Variants in SGCZ observed in about 807,000 individuals in gnomAD.
SGCZ encodes sarcoglycan zeta, also known as zeta-sarcoglycan.
In SGCZ, 40 loss-of-function variants were observed where a neutral mutation model predicts 41.3. The ratio of observed to expected loss-of-function variants is 0.97; its 90% CI spans 0.75 to 1.26. The LOEUF is 1.26. Ranked by LOEUF, SGCZ falls within the 50% of genes most tolerant of loss-of-function variation. The pLI, the probability that SGCZ is intolerant of heterozygous loss-of-function variation, is 0.00. For synonymous variants in SGCZ, 206 were observed against 137.5 expected, an observed-to-expected ratio of 1.50 and a Z score of -3.49; for missense variants, 552 against 369.8, an observed-to-expected ratio of 1.49 and a Z score of -4.04.
intron 1 of SGCZ, among the ~76,000 whole-genome samples, chr8:15,215,895 C>A (rs1237773622): frequency 6.6e-6 from 1 of 152,126 alleles, no homozygotes; most frequent in African/African-American, 2.4e-5. Context: ...AACTTTAATC[C>A]GAAGACAGAA....
intron 1 of SGCZ, among the ~76,000 whole-genome samples, chr8:15,019,296 G>T (rs1803161929): frequency 6.6e-6 from 1 of 152,150 alleles, no homozygotes; most frequent in African/African-American, 2.4e-5. Context: ...GAAGAATTTG[G>T]AATATGTCTT....
intron 1 of SGCZ, among the ~76,000 whole-genome samples, chr8:14,880,953 A>AT: frequency 6.7e-6 from 1 of 149,550 alleles, no homozygotes; most frequent in Admixed American, 6.6e-5. Flanking sequence ...TTAAAGTATA[A>AT]TAAAAAAAAA....
At chr8:14,609,842 G>A (rs11203638) in intron 1 of SGCZ, among the ~76,000 whole-genome samples, 52,820 of 151,906 alleles carry the variant, frequency 0.35, 9,467 homozygotes, top group East Asian at 0.62. Flanking sequence ...AAAACAGCAG[G>A]CTAATGTGAA....
intron 3 of SGCZ, among the ~76,000 whole-genome samples, chr8:14,239,892 A>C (rs1798801331): frequency 1.1e-5 from 1 of 87,854 alleles, no homozygotes; most frequent in Non-Finnish European, 2.0e-5. Flanking sequence ...ACAGAGCGAG[A>C]CTCCGTCTCA....
chr8:14,773,418 G>A (rs2256311), intron 1 of SGCZ, among the ~76,000 whole-genome samples: 13,677 of 152,144 alleles, frequency 0.09, 653 homozygotes, highest in Middle Eastern at 0.13. Flanking sequence ...AAGTGCCTTT[G>A]TTCCTGGTCG....
chr8:14,165,976 G>C (rs1479852320), intron 4 of SGCZ, among the ~76,000 whole-genome samples: 2 of 152,030 alleles, frequency 1.3e-5, no homozygotes, highest in Non-Finnish European at 2.9e-5. Context: ...CATCATCATA[G>C]CTGCTGAGGA....
chr8:14,184,159 T>G (rs1301052736), intron 4 of SGCZ, among the ~76,000 whole-genome samples: 1 of 152,100 alleles, frequency 6.6e-6, no homozygotes, highest in African/African-American at 2.4e-5. Flanking sequence ...TGATTAAAAA[T>G]TTAACAAATT....
At chr8:14,805,671 C>T (rs1053327011) in intron 1 of SGCZ, among the ~76,000 whole-genome samples, 12 of 151,326 alleles carry the variant, frequency 7.9e-5, no homozygotes, top group South Asian at 4.2e-4. Context: ...GACAGATCAA[C>T]GAGACAGAAA....
At chr8:14,357,485 C>G (rs967470114) in intron 2 of SGCZ, among the ~76,000 whole-genome samples, 1 of 152,138 alleles carries the variant, frequency 6.6e-6, no homozygotes, top group Non-Finnish European at 1.5e-5. Context: ...TCTTAGAATG[C>G]TATCGCAGTA....
At chr8:14,640,446 C>G (rs1389748870) in intron 1 of SGCZ, among the ~76,000 whole-genome samples, 1 of 151,672 alleles carries the variant, frequency 6.6e-6, no homozygotes, top group Non-Finnish European at 1.5e-5. Context: ...AGCAATCGGT[C>G]CTTTTCTGCT....
At chr8:14,443,686 T>C (rs1216681824) in intron 2 of SGCZ, among the ~76,000 whole-genome samples, 1 of 152,176 alleles carries the variant, frequency 6.6e-6, no homozygotes, top group Non-Finnish European at 1.5e-5. Context: ...ACTGAAACGT[T>C]AGACCTAAAA....
intron 1 of SGCZ, among the ~76,000 whole-genome samples, chr8:14,969,911 T>C (rs1300177915): frequency 3.2e-4 from 49 of 152,108 alleles, no homozygotes; most frequent in Admixed American, 3.1e-3. Context: ...TGGCAGACAA[T>C]GTTTCAACGT....
At chr8:15,211,146 A>C (rs1421372437) in intron 1 of SGCZ, among the ~76,000 whole-genome samples, 4 of 151,648 alleles carry the variant, frequency 2.6e-5, no homozygotes, top group African/African-American at 9.7e-5. Flanking sequence ...CAGATATTCT[A>C]TATGTTGATA....
rs1010272558 is a variant in SGCZ at position 14,687,290 on chromosome 8, C to A, written c.40-132364G>T. ...ACTTGTGCCATGTTGGTGTGCTGCA[C>A]CCATTAACTCGTCATTTAGCATTAG... On this transcript the variant is annotated intron_variant, in intron 1 of 7. Coordinates refer to ENST00000382080, the MANE Select transcript of SGCZ (RefSeq NM_139167.4). Among the ~76,000 whole-genome samples, 3 of 151,158 alleles carry A rather than the reference C, an allele frequency of 2.0e-5. No individual in the cohort carries two copies. The Admixed American group carries it at 2.0e-4, about 10-fold the overall frequency.
chr8:14,867,824 G>C (rs76280927), intron 1 of SGCZ, among the ~76,000 whole-genome samples: 3,529 of 151,524 alleles, frequency 0.023, 137 homozygotes, highest in African/African-American at 0.082. Context: ...ACCAGGCTTA[G>C]TACCTGGGTG....
chr8:14,131,374 C>G (rs1334481578), intron 5 of SGCZ, among the ~76,000 whole-genome samples: 1 of 152,180 alleles, frequency 6.6e-6, no homozygotes, highest in African/African-American at 2.4e-5. Flanking sequence ...GTTATTACCA[C>G]TGCAAACACC....
chr8:14,862,922 G>C (rs189790432), intron 1 of SGCZ, among the ~76,000 whole-genome samples: 1 of 151,936 alleles, frequency 6.6e-6, no homozygotes, highest in Non-Finnish European at 1.5e-5. Context: ...GAAGCAGCTC[G>C]TTCAGCTGCT....
intron 1 of SGCZ, among the ~76,000 whole-genome samples, chr8:14,898,437 G>A (rs1040304891): frequency 1.3e-5 from 2 of 152,216 alleles, no homozygotes; most frequent in African/African-American, 4.8e-5. Context: ...CAGAGGTTGG[G>A]AGGGTCACAG....
rs980921205 is a variant in SGCZ, at chr8:15,002,873, G to A, written c.39+234712C>T. ...ATCCCATAAATCCCACATGCCATAG[G>A]AGGGACCCTGGGGGAGGTAATGGAA... On this transcript the variant is annotated intron_variant, in intron 1 of 7. Coordinates refer to ENST00000382080, the MANE Select transcript of SGCZ (RefSeq NM_139167.4). Among the ~76,000 whole-genome samples the A allele has an allele frequency of 2.6e-5, 4 of 152,260 alleles. No individual in the cohort carries two copies. In the South Asian group the frequency reaches 8.3e-4, roughly 32 times the overall value.
Sources: allele counts gnomAD v4.1 joint callset (sites outside exome capture counted in the v4.1 genomes callset), GRCh38; gene constraint gnomAD v4.1.1; transcripts MANE v1.5; gene names NCBI Gene and HGNC (gene_info 2026-07-23, HGNC 2026-07-21).